SACS: variants seen among roughly 807,000 people sequenced by gnomAD.
SACS encodes sacsin molecular chaperone, also known as sacsin.
A neutral mutation model predicts 348.0 loss-of-function variants in SACS; 197 were observed. The ratio of observed to expected loss-of-function variants is 0.57; its 90% CI spans 0.50 to 0.64. The LOEUF (loss-of-function observed/expected upper bound fraction) is 0.64, where lower values mean the gene tolerates loss of function less well. SACS is among the 30% of genes least tolerant of loss of function. The pLI is 0.00. For synonymous variants in SACS, 1,985 were observed against 1,910.6 expected (o/e 1.04, Z -1.02); for missense variants, 4,999 against 5,360.8 (o/e 0.93, Z 2.11).
Position 23,354,553 on chromosome 13 carries a change from C to A in SACS, c.2059G>T (p.Asp687Tyr). Residue 687 changes from aspartate to tyrosine, a missense_variant, in exon 8 of 10, where the codon GAT (aspartate) becomes TAT (tyrosine). Coordinates refer to ENST00000382292, the MANE Select transcript of SACS (RefSeq NM_014363.6). ...TCTGCTGAGGTAATATAAATGACAT[C>A]TTGGTCTGATACAGATGAGGAGAAG... ...VPFSSSVSDQ[D>Y]VIYITSAEYP... 1 of 1,614,196 alleles carries A rather than the reference C, an allele frequency of 6.2e-7. No individual in the cohort carries two copies. The highest frequency in any genetic ancestry group is 8.5e-7 in the Non-Finnish European group (1 of 1,180,030).
chr13:23,431,688 G>A (rs186352487), intron 1 of SACS, among the ~76,000 whole-genome samples: 69 of 152,206 alleles, frequency 4.5e-4, no homozygotes, highest in Non-Finnish European at 6.9e-4. Flanking sequence ...AAAGAGAATC[G>A]GCCTTCCTTC....
chr13:23,413,042 A>G (rs1477683882), intron 1 of SACS, among the ~76,000 whole-genome samples: 2 of 152,128 alleles, frequency 1.3e-5, no homozygotes, highest in African/African-American at 4.8e-5. Context: ...CAATGGCACA[A>G]TCTCAGCTAA....
chr13:23,339,270 CAA>C lies in SACS; in HGVS notation c.4604_4605del (p.Phe1535CysfsTer5), dbSNP rs1566068801. ...GATTCTCCTAACCTAGTTATGTTCA[CAA>C]AATCTGAATCTGAGAATTGAGAATT... ...FNNSQFSDSD[F>X]VNITRLGESL... On this transcript the variant is annotated frameshift_variant, in exon 10 of 10. Coordinates refer to ENST00000382292, the MANE Select transcript of SACS (RefSeq NM_014363.6). LOFTEE classifies it high-confidence loss of function. 6.2e-7 allele frequency: 1 copy of C among 1,602,968 alleles called. No individual in the cohort carries two copies. Among genetic ancestry groups the C allele is most frequent in the East Asian group, 2.2e-5 (1 of 44,798 alleles).
Position 23,426,988 on chromosome 13 carries a change from C to G in SACS, c.-502+6627G>C, listed in dbSNP as rs369702566. 2.6e-5 allele frequency: 4 copies of G among 152,124 alleles called. 1 individual carries two copies. In the East Asian group the frequency reaches 5.8e-4, roughly 22 times the overall value. The allele number at this position is 152,124 out of a possible 1,614,324, so 9.4% of individuals were successfully genotyped here. A position where few individuals can be genotyped will look rare whatever the true frequency, so the allele number is the denominator to read the frequency against. ...TCAGAAGAGGAACGCTGCTTCTACC[C>G]TACCATTTGGGGAGTAGCACCACCT... On this transcript the variant is annotated intron_variant, in intron 1 of 9. Transcript: ENST00000382292.
rs1870982262 is a variant in SACS, at chr13:23,365,173, T to C, written c.450A>G (p.Pro150=). 6.2e-7 allele frequency: 1 copy of C among 1,606,044 alleles called. No individual in the cohort carries two copies. The highest frequency in any genetic ancestry group is 1.3e-5 in the African/African-American group (1 of 74,848). The change falls in exon 6 of 10, where the codon CCA becomes CCG. Residue 150 remains proline, a synonymous_variant. Transcript: ENST00000382292. ...CTAATTATTGATTCTTACCCTGATA[T>C]GGCGCCATATCTTTTGACCAAAGAG... The part of the protein sequence containing the change: ...TETLWSKDMA[P]YQGPALYVYN...
chr13:23,347,975 G>A (rs1013803334), intron 9 of SACS, among the ~76,000 whole-genome samples: 4 of 152,094 alleles, frequency 2.6e-5, no homozygotes, highest in Admixed American at 1.3e-4. Context: ...GAAAGGTTAC[G>A]GATTTTGGTC....
intron 2 of SACS, among the ~76,000 whole-genome samples, chr13:23,380,274 G>T (rs1289894023): frequency 1.3e-5 from 2 of 152,054 alleles, no homozygotes; most frequent in African/African-American, 4.8e-5. Flanking sequence ...ATTCTCACCG[G>T]CCTTGGTAGC....
chr13:23,395,287 T>C (rs1003750204), intron 2 of SACS, among the ~76,000 whole-genome samples: 2 of 152,154 alleles, frequency 1.3e-5, no homozygotes, highest in African/African-American at 2.4e-5. Context: ...TCTCAAGCCC[T>C]TGATGGCTGT....
chr13:23,399,647 C>T (rs2137924073), intron 2 of SACS, among the ~76,000 whole-genome samples: 1 of 152,240 alleles, frequency 6.6e-6, no homozygotes, highest in Admixed American at 6.5e-5. Context: ...ACCCCCTTCC[C>T]TCCTTTGTTT....
rs751160794 is a variant in SACS at position 23,333,764 on chromosome 13, G to A, written c.10112C>T (p.Thr3371Ile). ...ILKALHYMVQ[T>I]STFRAEKLVE... is the part of the protein sequence containing the mutation. ...TAATTTTTCTGCTCTAAATGTTGAA[G>A]TTTGGACCATATAATGTAGAGCCTT... The change falls in exon 10 of 10, where the codon ACT becomes ATT. Residue 3371 changes from threonine (T) to isoleucine (I), a missense_variant. Around this residue, in one of 6 missense-constraint regions of SACS, gnomAD observed 734 missense variants for 694.0 expected, o/e 1.06. Coordinates refer to ENST00000382292, the MANE Select transcript of SACS (RefSeq NM_014363.6). The A allele has an allele frequency of 6.2e-7, 1 of 1,613,808 alleles. No individual in the cohort carries two copies. Among genetic ancestry groups the A allele is most frequent in the Non-Finnish European group, 8.5e-7 (1 of 1,179,790 alleles).
At chr13:23,419,391 G>A (rs1873827197) in intron 1 of SACS, 2 of 152,358 alleles carry the variant, frequency 1.3e-5, no homozygotes, top group South Asian at 4.1e-4. Context: ...GGTAGGACGT[G>A]TTAAGGGTGG....
Position 23,335,879 on chromosome 13 carries a change from A to G in SACS, c.7997T>C (p.Met2666Thr), listed in dbSNP as rs1173236935. The change falls in exon 10 of 10, where the codon ATG (methionine) becomes ACG (threonine). Residue 2666 changes from methionine (M) to threonine (T), a missense_variant. By Grantham distance (81) the Met-to-Thr change is moderately conservative (BLOSUM62 -1). Around this residue, in one of 6 missense-constraint regions of SACS, gnomAD observed 3,156 missense variants for 3,380.1 expected, o/e 0.93. Coordinates refer to ENST00000382292, the MANE Select transcript of SACS (RefSeq NM_014363.6). The surrounding 1 kb of genome is among the most constrained non-coding windows in gnomAD (Gnocchi z 4.7). The stretch of plus-strand genomic sequence containing the variant: ...AAAATCTGCATCCAAATCTCTAAAC[A>G]TGCGTCCGGGACTAATGGATGTGGC... ...PGATSISPGR[M>T]FRDLDADFRT... 6.2e-7 allele frequency: 1 copy of G among 1,613,924 alleles called. No homozygotes were observed. Among genetic ancestry groups the G allele is most frequent in the East Asian group, 2.2e-5 (1 of 44,876 alleles).
intron 5 of SACS, among the ~76,000 whole-genome samples, chr13:23,368,018 G>A (rs1219145118): frequency 1.3e-5 from 2 of 152,070 alleles, no homozygotes; most frequent in Non-Finnish European, 2.9e-5. Context: ...GAGTCCAATG[G>A]GCATGCATTC....
In SACS at chr13:23,330,778, A is replaced by C; in HGVS notation, c.13098T>G (p.Ala4366=). The change falls in exon 10 of 10, where the codon GCT becomes GCG. Residue 4366 remains alanine, a synonymous_variant. Coordinates refer to ENST00000382292, the MANE Select transcript of SACS (RefSeq NM_014363.6). ...CCCTGTCTGCATTTTGATCTAGAAAAGCCTGTTTTTCTAATCTGTTGATTT... is the reference window on the plus strand; with the variant it reads ...CCCTGTCTGCATTTTGATCTAGAAACGCCTGTTTTTCTAATCTGTTGATTT... ...QNEINRLEKQ[A]FLDQNADRAS... is the part of the protein sequence containing the mutation. 1 of 1,613,804 alleles carries C rather than the reference A, an allele frequency of 6.2e-7. No individual in the cohort carries two copies. The highest frequency in any genetic ancestry group is 2.2e-5 in the East Asian group (1 of 44,876).
Position 23,341,530 on chromosome 13 carries a change from A to C in SACS, c.2346T>G (p.Val782=). ...NHPSVSWLKM[V]WKNLYIHFSE... ...AAAAATGTATATAAAGATTTTTCCA[A>C]ACCATCTTAAGCCATGAAACAGATG... is the stretch of plus-strand genomic sequence containing the variant. The change falls in exon 10 of 10, where the codon GTT becomes GTG. Residue 782 remains valine (V), a synonymous_variant. Coordinates refer to ENST00000382292, the MANE Select transcript of SACS (RefSeq NM_014363.6). The C allele has an allele frequency of 6.2e-7, 1 of 1,614,134 alleles. No individual in the cohort carries two copies. The highest frequency in any genetic ancestry group is 1.1e-5 in the South Asian group (1 of 91,084).
At chr13:23,381,389 A>ACG in intron 2 of SACS, among the ~76,000 whole-genome samples, 1 of 151,396 alleles carries the variant, frequency 6.6e-6, no homozygotes, top group Non-Finnish European at 1.5e-5. Context: ...ACACACACAC[A>ACG]CACACAGGCA....
chr13:23,431,389 C>A (rs1402653732), intron 1 of SACS, among the ~76,000 whole-genome samples: 1 of 152,164 alleles, frequency 6.6e-6, no homozygotes, highest in Non-Finnish European at 1.5e-5. Context: ...AACGGCCTCT[C>A]CTAGACGTTA....
chr13:23,411,285 G>A lies in SACS; in HGVS notation c.-46C>T, dbSNP rs1344913048. On this transcript the variant is annotated 5_prime_UTR_variant, in exon 2 of 10. Transcript: ENST00000382292. Reference sequence around the variant, plus strand: ...TTGTTTGTGAAAACCATGAAAGTACGCTTCTTTCTTCTGTTTAAGTCTTCC... The same window carrying A: ...TTGTTTGTGAAAACCATGAAAGTACACTTCTTTCTTCTGTTTAAGTCTTCC... 8 of 1,565,802 alleles carry A rather than the reference G, an allele frequency of 5.1e-6. No homozygotes were observed. Among genetic ancestry groups the A allele is most frequent in the East Asian group, 4.5e-5 (2 of 44,564 alleles).
rs775757692 is a variant in SACS at position 23,337,853 on chromosome 13, G to C, written c.6023C>G (p.Ala2008Gly). 3 of 1,613,908 alleles carry C rather than the reference G, an allele frequency of 1.9e-6. No homozygotes were observed. Among genetic ancestry groups the C allele is most frequent in the Non-Finnish European group, 1.7e-6 (2 of 1,179,966 alleles). The change falls in exon 10 of 10, where the codon GCC becomes GGC. Residue 2008 changes from alanine to glycine, a missense_variant. Around this residue, in one of 6 missense-constraint regions of SACS, gnomAD observed 3,156 missense variants for 3,380.1 expected, o/e 0.93. Transcript: ENST00000382292. ...GAGGTATTTCAAAAATATCTTGAAG[G>C]CTGCTGAACCAACATCTCTTCTTTT... Reference protein sequence around the residue: ...ILKRRDVGSAAFKIFLKYLKK... With the variant: ...ILKRRDVGSAGFKIFLKYLKK...
Sources: gnomAD v4.1 joint callset for allele counts (sites outside exome capture counted in the v4.1 genomes callset) on GRCh38, gnomAD v4.1.1 for gene constraint, gnomAD v4.1.1 regional missense constraint, Gnocchi (gnomAD v3.1) non-coding constraint, MANE v1.5 for transcripts, NCBI Gene and HGNC (gene_info 2026-07-23, HGNC 2026-07-21) for gene names.